MYOG: variants seen among roughly 807,000 people sequenced by gnomAD.
MYOG encodes class C basic helix-loop-helix protein 3.
Under a neutral mutation model 17.7 loss-of-function variants are expected in MYOG, and 6 were observed. The observed-to-expected ratio is 0.34, with a 90% CI of 0.19 to 0.67. The LOEUF is 0.67. MYOG is among the 30% of genes least tolerant of loss of function. The pLI, the probability that MYOG is intolerant of heterozygous loss-of-function variation, is 0.69. For missense variants in MYOG, 272 were observed against 302.0 expected, an observed-to-expected ratio of 0.90 and a Z score of 0.74; for synonymous variants, 125 against 130.2, an observed-to-expected ratio of 0.96 and a Z score of 0.27.
rs1015067929 is a variant in MYOG, at chr1:203,083,344, A to G, written c.*566T>C. On this transcript the variant is annotated 3_prime_UTR_variant, in exon 3 of 3. Coordinates refer to ENST00000241651, the MANE Select transcript of MYOG (RefSeq NM_002479.6). ...TGGTCGGATGGCAGCTTTACAAACA[A>G]CACACGAAACAAAACAAAACATAAA... 5 of 213,320 alleles carry G rather than the reference A, an allele frequency of 2.3e-5. No homozygotes were observed. The highest frequency in any genetic ancestry group is 1.1e-4 in the African/African-American group (5 of 43,808). The allele number at this position is 213,320 out of a possible 1,614,324, so 13.2% of individuals were successfully genotyped here.
rs1000969987 is a variant in MYOG, at chr1:203,083,154, T to C, written c.*756A>G. On this transcript the variant is annotated 3_prime_UTR_variant, in exon 3 of 3. Transcript: ENST00000241651. ...TTCTGGCAACCAGTCTTTATTCATTTTTTAAAAAAGGAAATCCAAATAAGT... is the reference window on the plus strand; with the variant it reads ...TTCTGGCAACCAGTCTTTATTCATTCTTTAAAAAAGGAAATCCAAATAAGT... 4 of 146,582 alleles carry C rather than the reference T, an allele frequency of 2.7e-5. No individual in the cohort carries two copies. The highest frequency in any genetic ancestry group is 4.5e-5 in the Non-Finnish European group (3 of 67,212). 9.1% of individuals were successfully genotyped at this position (146,582 alleles called of 1,614,324 possible).
chr1:203,084,165 C>T, intron 2 of MYOG, 134 bp from the exon 3 acceptor site: 1 of 1,122,316 alleles, frequency 8.9e-7, no homozygotes, highest in Non-Finnish European at 1.3e-6. Flanking sequence ...AGTTCTACTC[C>T]CTAGTCCCTG....
chr1:203,084,702 G>T lies in MYOG; in HGVS notation c.498C>A (p.Ser166Arg), dbSNP rs200114520. Residue 166 changes from serine (S) to arginine (R), a missense_variant, in exon 2 of 3, where the codon AGC becomes AGA. Physicochemically the swap from Ser to Arg is moderately radical, Grantham distance 110 (BLOSUM62 -1). Coordinates refer to ENST00000241651, the MANE Select transcript of MYOG (RefSeq NM_002479.6). The part of the protein sequence containing the change: ...PGVPSECSSH[S>R]ASCSPEWGSA... Reference sequence around the variant, plus strand: ...TGCCCCACTCTGGACTGCAGGAGGCGCTGTGAGAGCTGCATTCGCTGGGCA... The same window carrying T: ...TGCCCCACTCTGGACTGCAGGAGGCTCTGTGAGAGCTGCATTCGCTGGGCA... The T allele has an allele frequency of 1.2e-6, 2 of 1,610,826 alleles. No individual in the cohort carries two copies. Among genetic ancestry groups the T allele is most frequent in the African/African-American group, 1.3e-5 (1 of 74,838 alleles).
At chr1:203,085,122 T>TG (rs1026836779) in intron 1 of MYOG, among the ~76,000 whole-genome samples, 2 of 152,302 alleles carry the variant, frequency 1.3e-5, no homozygotes, top group African/African-American at 4.8e-5. Context: ...ACACCCAGGA[T>TG]GGGGGCAAAG....
At chr1:203,085,029 G>C (rs1166941116) in intron 1 of MYOG, among the ~76,000 whole-genome samples, 1 of 152,236 alleles carries the variant, frequency 6.6e-6, no homozygotes, top group Non-Finnish European at 1.5e-5. Context: ...GATGGAGACA[G>C]ATTTTGTGGC....
chr1:203,085,588 G>T lies in MYOG; in HGVS notation c.374C>A (p.Ala125Asp). 6.2e-7 allele frequency: 1 copy of T among 1,614,194 alleles called. No homozygotes were observed. The highest frequency in any genetic ancestry group is 8.5e-7 in the Non-Finnish European group (1 of 1,179,998). ...CTGGAGGCGCTCGATGTACTGGATG[G>T]CACTGCGCAGGATCTCCACCTTGGG... ...RLPKVEILRS[A>D]IQYIERLQAL... The change falls in exon 1 of 3, where the codon GCC (alanine) becomes GAC (aspartate). Residue 125 changes from alanine (A) to aspartate (D), a missense_variant. Transcript: ENST00000241651.
chr1:203,086,000 G>A lies in MYOG; in HGVS notation c.-39C>T, dbSNP rs1653614525. The A allele has an allele frequency of 1.4e-6, 2 of 1,437,490 alleles. No homozygotes were observed. The highest frequency in any genetic ancestry group is 1.9e-6 in the Non-Finnish European group (2 of 1,061,196). The allele number at this position is 1,437,490 out of a possible 1,614,324, so 89.0% of individuals were successfully genotyped here. A position where few individuals can be genotyped will look rare whatever the true frequency, so the allele number is the denominator to read the frequency against. ...GCTTGTTCCTGCCACCAGCCCCCAA[G>A]CTCCAGCAGCCCCTCACGCCAACTG... On this transcript the variant is annotated 5_prime_UTR_variant, in exon 1 of 3. Transcript: ENST00000241651.
Position 203,083,668 on chromosome 1 carries a change from T to C in MYOG, c.*242A>G. On this transcript the variant is annotated 3_prime_UTR_variant, in exon 3 of 3. Transcript: ENST00000241651. ...GAGGGGGCGCTCTGGTCCCCTGCTT[T>C]ACCTCCCTGGAAAGGGGATGCCCTC... 1 of 610,468 alleles carries C rather than the reference T, an allele frequency of 1.6e-6. No homozygotes were observed. Among genetic ancestry groups the C allele is most frequent in the Middle Eastern group, 4.4e-4 (1 of 2,258 alleles). 37.8% of individuals were successfully genotyped at this position (610,468 alleles called of 1,614,324 possible).
In MYOG at chr1:203,083,875, G is replaced by A. The variant is rs1469989719; in HGVS notation, c.*35C>T. 3.8e-6 allele frequency: 6 copies of A among 1,575,632 alleles called. No individual in the cohort carries two copies. The highest frequency in any genetic ancestry group is 5.2e-6 in the Non-Finnish European group (6 of 1,159,464). Reference sequence around the variant, plus strand: ...GTAGTGGCATCTGTGGCCAGCTTGGGGGGCTCGCAAGGATGCCCGGCTTGG... The same window carrying A: ...GTAGTGGCATCTGTGGCCAGCTTGGAGGGCTCGCAAGGATGCCCGGCTTGG... On this transcript the variant is annotated 3_prime_UTR_variant, in exon 3 of 3. Transcript: ENST00000241651.
In MYOG at chr1:203,085,509, C is replaced by G; in HGVS notation, c.453G>C (p.Gly151=). Residue 151 remains glycine (G), a synonymous_variant, in exon 1 of 3, where the codon GGG becomes GGC. Transcript: ENST00000241651. ...QEERDLRYRG[G]GGPQPGVPSE... ...CACTTACCCCTGGCTGGGGCCCGCC[C>G]CCGCCCCGGTAGCGGAGGTCACGCT... 2 of 1,613,120 alleles carry G rather than the reference C, an allele frequency of 1.2e-6. No individual in the cohort carries two copies. The highest frequency in any genetic ancestry group is 1.7e-6 in the Non-Finnish European group (2 of 1,179,420).
chr1:203,085,395 A>T (rs923950), intron 1 of MYOG, 96 bp downstream of exon 1: 1,161,638 of 1,209,286 alleles, frequency 0.96, 558,122 homozygotes, highest in African/African-American at 0.99. Flanking sequence ...TGGCACCTGC[A>T]CCAACCCTCT....
At chr1:203,084,195 A>AGTGTGTGTGT (rs3835486) in intron 2 of MYOG, among the ~76,000 whole-genome samples, 164 bp from the exon 3 acceptor site, 3,769 of 135,424 alleles carry the variant, frequency 0.028, 136 homozygotes, top group African/African-American at 0.066. Context: ...ATGCTCTGTG[A>AGTGTGTGTGT]GTGTGTGTGT....
At chr1:203,085,451 C>T in intron 1 of MYOG, 40 bp downstream of exon 1, 2 of 1,554,322 alleles carry the variant, frequency 1.3e-6, no homozygotes, top group Non-Finnish European at 1.7e-6. Flanking sequence ...CTCCCTCTGG[C>T]CCCGTCCCCT....
At position 203,083,616 on chromosome 1, in the gene MYOG, GT is replaced by G. The variant is rs1653541508; in HGVS notation, c.*293del. On this transcript the variant is annotated 3_prime_UTR_variant, in exon 3 of 3. Coordinates refer to ENST00000241651, the MANE Select transcript of MYOG (RefSeq NM_002479.6). ...GTTATGATAAAAAGGAAGCTCCTGA[GT>G]TTGCCCCCTGAGCTGGGGCATACAC... 1.8e-6 allele frequency: 1 copy of G among 542,480 alleles called. No homozygotes were observed. Among genetic ancestry groups the G allele is most frequent in the Non-Finnish European group, 3.3e-6 (1 of 305,418 alleles). The allele number at this position is 542,480 out of a possible 1,614,324, so 33.6% of individuals were successfully genotyped here.
In MYOG at chr1:203,085,893, C is replaced by T. The variant is rs771796844; in HGVS notation, c.69G>A (p.Leu23=). 1.2e-6 allele frequency: 2 copies of T among 1,612,322 alleles called. No individual in the cohort carries two copies. Among genetic ancestry groups the T allele is most frequent in the Non-Finnish European group, 1.7e-6 (2 of 1,179,366 alleles). ...EPRFYDGENY[L]PVHLQGFEPP... ...GTTCGAAGCCCTGGAGGTGGACAGG[C>T]AGGTAGTTTTCCCCATCATAGAAGC... The change falls in exon 1 of 3, where the codon CTG becomes CTA. Residue 23 remains leucine, a synonymous_variant. Coordinates refer to ENST00000241651, the MANE Select transcript of MYOG (RefSeq NM_002479.6).
rs1653607389 is a variant in MYOG, at chr1:203,085,757, C to T, written c.205G>A (p.Ala69Thr). ...GACTTCCTCTTACACACCTTACACG[C>T]CCACGGCAGGCACTGGCCTGGACAG... is the stretch of plus-strand genomic sequence containing the variant. The part of the protein sequence containing the change: ...EHCPGQCLPW[A>T]CKVCKRKSVS... Residue 69 changes from alanine (A) to threonine (T), a missense_variant, in exon 1 of 3, where the codon GCG (alanine) becomes ACG (threonine). Transcript: ENST00000241651. The T allele has an allele frequency of 6.2e-7, 1 of 1,614,000 alleles. No homozygotes were observed. Among genetic ancestry groups the T allele is most frequent in the African/African-American group, 1.3e-5 (1 of 74,936 alleles).
Position 203,084,076 on chromosome 1 carries a change from G to C in MYOG, c.554-45C>G, listed in dbSNP as rs373730814. 3.8e-6 allele frequency: 6 copies of C among 1,576,210 alleles called. No homozygotes were observed. In the African/African-American group the frequency reaches 6.7e-5, roughly 18 times the overall value. On this transcript the variant is annotated intron_variant, in intron 2 of 2. Transcript: ENST00000241651. ...GGTGGTACCTGGGTGAGCAGTGGGG[G>C]TTCTTGAGGCCCAGAATAGAGGATG...
Position 203,083,657 on chromosome 1 carries a change from G to C in MYOG, c.*253C>G. ...GGGGCATACACGAGGGGGCGCTCTGGTCCCCTGCTTTACCTCCCTGGAAAG... is the reference window on the plus strand; with the variant it reads ...GGGGCATACACGAGGGGGCGCTCTGCTCCCCTGCTTTACCTCCCTGGAAAG... On this transcript the variant is annotated 3_prime_UTR_variant, in exon 3 of 3. Transcript: ENST00000241651. 1 of 592,926 alleles carries C rather than the reference G, an allele frequency of 1.7e-6. No individual in the cohort carries two copies. The highest frequency in any genetic ancestry group is 3.0e-5 in the Admixed American group (1 of 33,748). The allele number at this position is 592,926 out of a possible 1,614,324, so 36.7% of individuals were successfully genotyped here.
intron 2 of MYOG, 44 bp from the exon 3 acceptor site, chr1:203,084,075 G>A: frequency 6.3e-7 from 1 of 1,576,178 alleles, no homozygotes; most frequent in Non-Finnish European, 8.6e-7. Flanking sequence ...GAGCAGTGGG[G>A]GTTCTTGAGG....
Sources: gnomAD v4.1 joint callset for allele counts (sites outside exome capture counted in the v4.1 genomes callset) on GRCh38, gnomAD v4.1.1 for gene constraint, MANE v1.5 for transcripts, NCBI Gene and HGNC (gene_info 2026-07-23, HGNC 2026-07-21) for gene names.